Variants in PLAGL2 observed in about 807,000 individuals in gnomAD.
PLAGL2 encodes the protein PLAG1 like zinc finger 2.
A neutral mutation model predicts 29.0 loss-of-function variants in PLAGL2; 7 were observed. The ratio of observed to expected loss-of-function variants is 0.24; its 90% CI spans 0.14 to 0.45. The LOEUF is 0.45. Among genes scored for constraint, PLAGL2 ranks in the 20% least tolerant of loss-of-function variants. The pLI is 0.99. For synonymous variants in PLAGL2, 234 were observed against 266.0 expected, an observed-to-expected ratio of 0.88 and a Z score of 1.17; for missense variants, 454 against 648.2, an observed-to-expected ratio of 0.70 and a Z score of 3.25.
chr20:32,202,035 A>G lies in PLAGL2; in HGVS notation c.144T>C (p.Pro48=). 2 of 1,614,226 alleles carry G rather than the reference A, an allele frequency of 1.2e-6. No individual in the cohort carries two copies. Among genetic ancestry groups the G allele is most frequent in the Non-Finnish European group, 1.7e-6 (2 of 1,180,034 alleles). The part of the protein sequence containing the change: ...VKCQCEISGT[P]FSNGEKLRPH... ...GCCTCAGCTTCTCCCCATTTGAGAA[A>G]GGTGTTCCCGAAATTTCACATTGGC... Residue 48 remains proline (P), a synonymous_variant, in exon 2 of 3, where the codon CCT becomes CCC. Coordinates refer to ENST00000246229, the MANE Select transcript of PLAGL2 (RefSeq NM_002657.3).
At chr20:32,200,132 A>G (rs138176603) in intron 2 of PLAGL2, among the ~76,000 whole-genome samples, 83 of 152,384 alleles carry the variant, frequency 5.4e-4, no homozygotes, top group African/African-American at 1.9e-3. Flanking sequence ...TGTCTGGCTC[A>G]CTACTCCGCC....
In PLAGL2 at chr20:32,197,517, G is replaced by A; in HGVS notation, c.426C>T (p.Tyr142=). 6.2e-7 allele frequency: 1 copy of A among 1,614,180 alleles called. No individual in the cohort carries two copies. The highest frequency in any genetic ancestry group is 8.5e-7 in the Non-Finnish European group (1 of 1,180,032). Residue 142 remains tyrosine, a synonymous_variant, in exon 3 of 3, where the codon TAC becomes TAT. Coordinates refer to ENST00000246229, the MANE Select transcript of PLAGL2 (RefSeq NM_002657.3). The surrounding 1 kb of genome is among the most constrained non-coding windows in gnomAD (Gnocchi z 6.6). Reference sequence around the variant, plus strand: ...CAGCATGCATGGCCAGGTGGCGCCGGTAGCCCAGCTTCGTATTGTAATTCT... The same window carrying A: ...CAGCATGCATGGCCAGGTGGCGCCGATAGCCCAGCTTCGTATTGTAATTCT... The part of the protein sequence containing the change: ...CGKNYNTKLG[Y]RRHLAMHAAS...
Position 32,201,978 on chromosome 20 carries a change from T to C in PLAGL2, c.201A>G (p.Pro67=). 1 of 1,614,082 alleles carries C rather than the reference T, an allele frequency of 6.2e-7. No homozygotes were observed. Among genetic ancestry groups the C allele is most frequent in the South Asian group, 1.1e-5 (1 of 91,088 alleles). Residue 67 remains proline, a synonymous_variant, in exon 2 of 3, where the codon CCA becomes CCG. Coordinates refer to ENST00000246229, the MANE Select transcript of PLAGL2 (RefSeq NM_002657.3). ...CACAGTGCAGCTGAGGGCAGCTATATGGTCTCTGCTCTGGTTGCGGGAGGC... is the reference window on the plus strand; with the variant it reads ...CACAGTGCAGCTGAGGGCAGCTATACGGTCTCTGCTCTGGTTGCGGGAGGC... The part of the protein sequence containing the change: ...PHSLPQPEQR[P]YSCPQLHCGK...
Position 32,196,869 on chromosome 20 carries a change from C to T in PLAGL2, c.1074G>A (p.Glu358=). The T allele has an allele frequency of 6.2e-7, 1 of 1,614,180 alleles. No individual in the cohort carries two copies. The highest frequency in any genetic ancestry group is 8.5e-7 in the Non-Finnish European group (1 of 1,180,010). ...GAAGCTCCGCCAGAAAACTATCCAC[C>T]TCCACTTTGGGCAATTTGTCGGGCA... is the stretch of plus-strand genomic sequence containing the variant. ...SYLPDKLPKV[E]VDSFLAELPG... The change falls in exon 3 of 3, where the codon GAG becomes GAA. Residue 358 remains glutamate (E), a synonymous_variant. Transcript: ENST00000246229.
chr20:32,197,618 G>A lies in PLAGL2; in HGVS notation c.325C>T (p.Arg109Cys), dbSNP rs1247038579. ...QCMYCDKMFH[R>C]KDHLRNHLQT... ...AGATGGTTCCGCAGATGGTCCTTGC[G>A]GTGAAACATCTTATCACAGTACATA... is the stretch of plus-strand genomic sequence containing the variant. The change falls in exon 3 of 3, where the codon CGC (arginine) becomes TGC (cysteine). Residue 109 changes from arginine (R) to cysteine (C), a missense_variant. Physicochemically the swap from Arg to Cys is radical, Grantham distance 180 (BLOSUM62 -3). This residue lies in a region of PLAGL2 where 111 missense variants were observed against 173.1 expected (regional missense o/e 0.64). Coordinates refer to ENST00000246229, the MANE Select transcript of PLAGL2 (RefSeq NM_002657.3). The surrounding 1 kb of genome is among the most constrained non-coding windows in gnomAD (Gnocchi z 6.6). 6 of 1,614,072 alleles carry A rather than the reference G, an allele frequency of 3.7e-6. No homozygotes were observed. Among genetic ancestry groups the A allele is most frequent in the Non-Finnish European group, 5.1e-6 (6 of 1,179,926 alleles).
chr20:32,207,450 G>A (rs1467844523), intron 1 of PLAGL2, among the ~76,000 whole-genome samples, 191 bp downstream of exon 1: 1 of 152,162 alleles, frequency 6.6e-6, no homozygotes, highest in Non-Finnish European at 1.5e-5. Context: ...TCCAGGGAGA[G>A]TTTTCGTCAC....
In PLAGL2 at chr20:32,194,521, A is replaced by C. The variant is rs1307721472; in HGVS notation, c.*1931T>G. On this transcript the variant is annotated 3_prime_UTR_variant, in exon 3 of 3. Coordinates refer to ENST00000246229, the MANE Select transcript of PLAGL2 (RefSeq NM_002657.3). The stretch of plus-strand genomic sequence containing the variant: ...TCCCAAGCTACCCTGCCTAAATCAA[A>C]ACACACTTACTCCAAATTGCTTCTA... 6.6e-6 allele frequency: 1 copy of C among 152,648 alleles called. No homozygotes were observed. The highest frequency in any genetic ancestry group is 1.5e-5 in the Non-Finnish European group (1 of 68,052). 9.5% of individuals were successfully genotyped at this position (152,648 alleles called of 1,614,324 possible).
At position 32,193,811 on chromosome 20, in the gene PLAGL2, G is replaced by A. The variant is rs1395158098; in HGVS notation, c.*2641C>T. 2.0e-5 allele frequency: 3 copies of A among 153,346 alleles called. No individual in the cohort carries two copies. The highest frequency in any genetic ancestry group is 4.4e-5 in the Non-Finnish European group (3 of 68,756). 9.5% of individuals were successfully genotyped at this position (153,346 alleles called of 1,614,324 possible). A position where few individuals can be genotyped will look rare whatever the true frequency, so the allele number is the denominator to read the frequency against. ...CGACCCCCCAGATTTTAGGAAGGGA[G>A]GTTTAAGAAATGACTGGCTAGCTAT... On this transcript the variant is annotated 3_prime_UTR_variant, in exon 3 of 3. Coordinates refer to ENST00000246229, the MANE Select transcript of PLAGL2 (RefSeq NM_002657.3).
intron 1 of PLAGL2, among the ~76,000 whole-genome samples, chr20:32,202,929 C>T (rs1249319170): frequency 6.6e-6 from 1 of 152,152 alleles, no homozygotes; most frequent in Non-Finnish European, 1.5e-5. Flanking sequence ...TTCCCTAAAC[C>T]AGGACTAGAA....
chr20:32,196,892 G>T lies in PLAGL2; in HGVS notation c.1051C>A (p.Pro351Thr). 6.2e-7 allele frequency: 1 copy of T among 1,614,130 alleles called. No individual in the cohort carries two copies. Among genetic ancestry groups the T allele is most frequent in the Non-Finnish European group, 8.5e-7 (1 of 1,179,940 alleles). ...ACCTCCACTTTGGGCAATTTGTCGG[G>T]CAAGTATGAGGTAGATCCAAGCTGG... ...KYQLGSTSYL[P>T]DKLPKVEVDS... Residue 351 changes from proline (P) to threonine (T), a missense_variant, in exon 3 of 3, where the codon CCC (proline) becomes ACC (threonine). Coordinates refer to ENST00000246229, the MANE Select transcript of PLAGL2 (RefSeq NM_002657.3).
intron 1 of PLAGL2, among the ~76,000 whole-genome samples, chr20:32,204,678 T>C (rs1278512303): frequency 6.6e-6 from 1 of 152,198 alleles, no homozygotes; most frequent in African/African-American, 2.4e-5. Context: ...ATCTAGTCTC[T>C]CTCTGCCCTT....
chr20:32,201,848 C>A (rs897589493), intron 2 of PLAGL2, 71 bp downstream of exon 2: 7 of 1,354,802 alleles, frequency 5.2e-6, no homozygotes, highest in Non-Finnish European at 1.0e-6. Flanking sequence ...AAAACCCACA[C>A]TAGGCAGAGT....
In PLAGL2 at chr20:32,196,222, C is replaced by G; in HGVS notation, c.*230G>C. 2 of 379,410 alleles carry G rather than the reference C, an allele frequency of 5.3e-6. No homozygotes were observed. Among genetic ancestry groups the G allele is most frequent in the Non-Finnish European group, 9.3e-6 (2 of 214,550 alleles). 23.5% of individuals were successfully genotyped at this position (379,410 alleles called of 1,614,324 possible). A position where few individuals can be genotyped will look rare whatever the true frequency, so the allele number is the denominator to read the frequency against. On this transcript the variant is annotated 3_prime_UTR_variant, in exon 3 of 3. Coordinates refer to ENST00000246229, the MANE Select transcript of PLAGL2 (RefSeq NM_002657.3). ...TCAAAAAAATAAAAGTAAATAATAC[C>G]TGAAGTCCTACGGTATGAGATCTTT...
In PLAGL2 at chr20:32,197,097, G is replaced by A. The variant is rs536742246; in HGVS notation, c.846C>T (p.Asp282=). 1.1e-4 allele frequency: 184 copies of A among 1,614,168 alleles called. No individual in the cohort carries two copies. In the East Asian group the frequency reaches 3.8e-3, roughly 33 times the overall value. ...LSPVLCMASR[D]VMGTKAFPGM... Reference sequence around the variant, plus strand: ...CAGGGAAGGCCTTGGTCCCCATTACGTCCCGAGAGGCCATGCACAGCACAG... The same window carrying A: ...CAGGGAAGGCCTTGGTCCCCATTACATCCCGAGAGGCCATGCACAGCACAG... The change falls in exon 3 of 3, where the codon GAC becomes GAT. Residue 282 remains aspartate (D), a synonymous_variant. Transcript: ENST00000246229. This position sits in a 1 kb window ranked among gnomAD's most constrained non-coding sequence, Gnocchi z 6.6.
intron 2 of PLAGL2, among the ~76,000 whole-genome samples, chr20:32,199,341 A>T (rs528224393): frequency 6.6e-6 from 1 of 152,256 alleles, no homozygotes; most frequent in South Asian, 2.1e-4. Flanking sequence ...GATGGAACTG[A>T]CGTGGTAATG....
Position 32,197,393 on chromosome 20 carries a change from C to T in PLAGL2, c.550G>A (p.Gly184Ser). The T allele has an allele frequency of 6.2e-7, 1 of 1,611,626 alleles. No homozygotes were observed. The highest frequency in any genetic ancestry group is 8.5e-7 in the Non-Finnish European group (1 of 1,179,548). The stretch of plus-strand genomic sequence containing the variant: ...GGGTGCTTCTTCTCCTTGGCACCGC[C>T]TGCTACCCGGCGTGAGTGGGCCTTC... The part of the protein sequence containing the change: ...HLKAHSRRVA[G>S]GAKEKKHPCD... Residue 184 changes from glycine to serine, a missense_variant, in exon 3 of 3, where the codon GGC (glycine) becomes AGC (serine). By Grantham distance (56) the Gly-to-Ser change is moderately conservative. This residue lies in a region of PLAGL2 where 111 missense variants were observed against 173.1 expected (regional missense o/e 0.64). Coordinates refer to ENST00000246229, the MANE Select transcript of PLAGL2 (RefSeq NM_002657.3). The surrounding 1 kb of genome is among the most constrained non-coding windows in gnomAD (Gnocchi z 6.6).
chr20:32,204,270 TGA>T (rs1436519116), intron 1 of PLAGL2, among the ~76,000 whole-genome samples: 2 of 152,146 alleles, frequency 1.3e-5, no homozygotes, highest in African/African-American at 4.8e-5. Context: ...TTGGCTGATG[TGA>T]GAGAGGAGCC....
chr20:32,197,782 T>C lies in PLAGL2; in HGVS notation c.261-100A>G, dbSNP rs144825819. On this transcript the variant is annotated intron_variant, in intron 2 of 2. Transcript: ENST00000246229. This position sits in a 1 kb window ranked among gnomAD's most constrained non-coding sequence, Gnocchi z 6.6. ...GTGTCCATTAACAGGAAACTAGATA[T>C]AAAAACCATGGTAAAGGCTTGCAAT... The C allele has an allele frequency of 1.7e-4, 165 of 979,888 alleles. No individual in the cohort carries two copies. In the African/African-American group the frequency reaches 2.4e-3, roughly 14 times the overall value. 60.7% of individuals were successfully genotyped at this position (979,888 alleles called of 1,614,324 possible).
chr20:32,197,472 G>A lies in PLAGL2; in HGVS notation c.471C>T (p.Ser157=). ...AMHAASSGDL[S]CKVCLQTFES... is the part of the protein sequence containing the mutation. ...CAAAGGTCTGCAGGCACACCTTGCA[G>A]CTGAGGTCACCGCTGCTGGCAGCAT... The change falls in exon 3 of 3, where the codon AGC becomes AGT. Residue 157 remains serine, a synonymous_variant. Coordinates refer to ENST00000246229, the MANE Select transcript of PLAGL2 (RefSeq NM_002657.3). The surrounding 1 kb of genome is among the most constrained non-coding windows in gnomAD (Gnocchi z 6.6). 6.2e-7 allele frequency: 1 copy of A among 1,613,470 alleles called. No individual in the cohort carries two copies.
Sources: gnomAD v4.1 joint callset for allele counts (sites outside exome capture counted in the v4.1 genomes callset) on GRCh38, gnomAD v4.1.1 for gene constraint, gnomAD v4.1.1 regional missense constraint, Gnocchi (gnomAD v3.1) non-coding constraint, MANE v1.5 for transcripts, NCBI Gene and HGNC (gene_info 2026-07-23, HGNC 2026-07-21) for gene names.